The following NRBF2 variants were observed in gnomAD, a reference collection of about 807,000 sequenced individuals.
NRBF2 encodes the protein nuclear receptor-binding factor 2.
Under a neutral mutation model 28.5 loss-of-function variants are expected in NRBF2, and 12 were observed. The observed-to-expected ratio is 0.42, with a 90% confidence interval of 0.27 to 0.68. The LOEUF (loss-of-function observed/expected upper bound fraction) is 0.68. Ranked by LOEUF, NRBF2 falls within the 30% of genes least tolerant of loss-of-function variation. NRBF2 has a pLI of 0.24. For missense variants in NRBF2, 274 were observed against 333.5 expected (o/e 0.82, Z 1.39); for synonymous variants, 102 against 116.5 (o/e 0.88, Z 0.80).
intron 1 of NRBF2, among the ~76,000 whole-genome samples, chr10:63,136,568 G>A (rs1003862500): frequency 1.3e-5 from 2 of 152,200 alleles, no homozygotes; most frequent in African/African-American, 2.4e-5. Flanking sequence ...AACTTAGTAA[G>A]GTGTGTTTTC....
At chr10:63,140,968 G>C (rs989079573) in intron 1 of NRBF2, among the ~76,000 whole-genome samples, 8 of 152,158 alleles carry the variant, frequency 5.3e-5, no homozygotes, top group Admixed American at 3.3e-4. Flanking sequence ...CAAAGTGCTG[G>C]GATTATAGAC....
intron 3 of NRBF2, among the ~76,000 whole-genome samples, chr10:63,153,268 A>G (rs936083229): frequency 6.6e-6 from 1 of 152,198 alleles, no homozygotes; most frequent in Non-Finnish European, 1.5e-5. Context: ...TACAGAGGAA[A>G]GATTTCTAAT....
intron 1 of NRBF2, among the ~76,000 whole-genome samples, chr10:63,140,053 A>T (rs1841438222): frequency 6.6e-6 from 1 of 152,034 alleles, no homozygotes; most frequent in Non-Finnish European, 1.5e-5. Flanking sequence ...TAGGAGGATC[A>T]CTTGAGCCCA....
rs890357867 is a variant in NRBF2, at chr10:63,146,177, T to C, written c.31-32T>C. 6.4e-6 allele frequency: 10 copies of C among 1,553,416 alleles called. No homozygotes were observed. In the African/African-American group the frequency reaches 1.2e-4, roughly 19 times the overall value. ...AAAGAAATCATGTTTTATTTTATGATCCAGAGGAACTTAGGGATGTTTGTC... is the reference window on the plus strand; with the variant it reads ...AAAGAAATCATGTTTTATTTTATGACCCAGAGGAACTTAGGGATGTTTGTC... On this transcript the variant is annotated intron_variant, in intron 1 of 3. Transcript: ENST00000277746.
At chr10:63,143,429 A>G (rs1011362050) in intron 1 of NRBF2, among the ~76,000 whole-genome samples, 4 of 152,156 alleles carry the variant, frequency 2.6e-5, no homozygotes, top group Non-Finnish European at 1.5e-5. Flanking sequence ...AGCATCCAAG[A>G]CAAATCATTT....
intron 1 of NRBF2, among the ~76,000 whole-genome samples, chr10:63,135,771 T>C (rs1239210567): frequency 3.9e-5 from 6 of 151,906 alleles, no homozygotes; most frequent in Non-Finnish European, 5.9e-5. Context: ...CTCAGCCTTC[T>C]GAGTAGCTGG....
chr10:63,136,221 C>G (rs1448029690), intron 1 of NRBF2, among the ~76,000 whole-genome samples: 1 of 151,486 alleles, frequency 6.6e-6, no homozygotes, highest in Non-Finnish European at 1.5e-5. Context: ...CAGCCTCCAC[C>G]TCCCGGGTTC....
chr10:63,150,010 C>T (rs1374812458), intron 2 of NRBF2, among the ~76,000 whole-genome samples: 1 of 150,294 alleles, frequency 6.7e-6, no homozygotes. Context: ...GGCGTGATCT[C>T]GGCTCAGTGC....
intron 1 of NRBF2, among the ~76,000 whole-genome samples, chr10:63,136,472 G>A (rs983042100): frequency 1.3e-5 from 2 of 152,180 alleles, no homozygotes; most frequent in African/African-American, 4.8e-5. Flanking sequence ...TTTGTCAAAT[G>A]ACGTCGTAGT....
At chr10:63,143,342 G>A (rs982273721) in intron 1 of NRBF2, among the ~76,000 whole-genome samples, 1 of 152,120 alleles carries the variant, frequency 6.6e-6, no homozygotes, top group African/African-American at 2.4e-5. Flanking sequence ...AACATGCCCA[G>A]AATATTTATA....
At chr10:63,142,776 C>CT (rs1202067005) in intron 1 of NRBF2, among the ~76,000 whole-genome samples, 6 of 26,500 alleles carry the variant, frequency 2.3e-4, no homozygotes, top group African/African-American at 8.2e-4. Flanking sequence ...TTCTTTCTTT[C>CT]TTTCTTTTTT....
Position 63,133,490 on chromosome 10 carries a change from C to G in NRBF2, c.20C>G (p.Pro7Arg). MEVMEGPLNLAHQQSRR... is the reference protein window; with the variant it reads MEVMEGRLNLAHQQSRR... ...GGGTCTATGGAAGTAATGGAAGGAC[C>G]CCTCAACCTGGTGAGTGTCCCACAG... The change falls in exon 1 of 4, where the codon CCC becomes CGC. Residue 7 changes from proline to arginine, a missense_variant. Coordinates refer to ENST00000277746, the MANE Select transcript of NRBF2 (RefSeq NM_030759.5). 1 of 1,610,722 alleles carries G rather than the reference C, an allele frequency of 6.2e-7. No homozygotes were observed. Among genetic ancestry groups the G allele is most frequent in the Non-Finnish European group, 8.5e-7 (1 of 1,177,832 alleles).
At chr10:63,135,925 T>C (rs370291978) in intron 1 of NRBF2, among the ~76,000 whole-genome samples, 81 of 151,990 alleles carry the variant, frequency 5.3e-4, no homozygotes, top group African/African-American at 1.9e-3. Context: ...ATTACAGGCG[T>C]GAGCCAGCGT....
rs143606718 is a variant in NRBF2, at chr10:63,154,020, A to G, written c.666A>G (p.Val222=). 1.8e-4 allele frequency: 283 copies of G among 1,612,262 alleles called. 1 individual carries two copies. In the Middle Eastern group the frequency reaches 2.1e-3, roughly 12 times the overall value. Residue 222 remains valine, a synonymous_variant, in exon 4 of 4, where the codon GTA becomes GTG. Coordinates refer to ENST00000277746, the MANE Select transcript of NRBF2 (RefSeq NM_030759.5). ...EKELDVDADF[V]ETSELWSLPP... Reference sequence around the variant, plus strand: ...AGCTGGATGTAGATGCTGATTTTGTAGAAACGTCAGAGTTATGGAGCTTGC... The same window carrying G: ...AGCTGGATGTAGATGCTGATTTTGTGGAAACGTCAGAGTTATGGAGCTTGC...
intron 2 of NRBF2, among the ~76,000 whole-genome samples, chr10:63,150,804 GA>G (rs1298767918): frequency 6.6e-6 from 1 of 152,228 alleles, no homozygotes; most frequent in Non-Finnish European, 1.5e-5. Context: ...ATCTAGGGGT[GA>G]TGGGAGACAG....
chr10:63,150,643 G>C (rs1292988482), intron 2 of NRBF2, among the ~76,000 whole-genome samples: 1 of 152,116 alleles, frequency 6.6e-6, no homozygotes, highest in East Asian at 1.9e-4. Context: ...CCTGGGGTCA[G>C]GAAAATGGTT....
At position 63,144,834 on chromosome 10, in the gene NRBF2, T is replaced by G. The variant is rs969696414; in HGVS notation, c.31-1375T>G. ...ACCTTTTGGCTGTTGTGAATAATGC[T>G]GTTATGAATATGGGTGTACAATGCT... On this transcript the variant is annotated intron_variant, in intron 1 of 3. Coordinates refer to ENST00000277746, the MANE Select transcript of NRBF2 (RefSeq NM_030759.5). 3.9e-5 allele frequency among the ~76,000 whole-genome samples: 6 copies of G among 152,334 alleles called. No homozygotes were observed. In the South Asian group the frequency reaches 1.2e-3, roughly 32 times the overall value.
rs1356261009 is a variant in NRBF2 at position 63,154,252 on chromosome 10, A to G, written c.*34A>G. ...GCCACAGAAAAGGGGAAAAGAGGAA[A>G]TAATACAGTAATCGTTAATCCAGCA... On this transcript the variant is annotated 3_prime_UTR_variant, in exon 4 of 4. Transcript: ENST00000277746. 3 of 1,306,520 alleles carry G rather than the reference A, an allele frequency of 2.3e-6. No individual in the cohort carries two copies. In the Admixed American group the frequency reaches 6.3e-5, roughly 27 times the overall value. 80.9% of individuals were successfully genotyped at this position (1,306,520 alleles called of 1,614,324 possible).
intron 1 of NRBF2, among the ~76,000 whole-genome samples, chr10:63,143,743 T>C (rs1841512440): frequency 7.1e-6 from 1 of 140,054 alleles, no homozygotes; most frequent in African/African-American, 2.7e-5. Flanking sequence ...TGAGCCACCA[T>C]GCCCGATTTT....
Sources: allele counts gnomAD v4.1 joint callset (sites outside exome capture counted in the v4.1 genomes callset), GRCh38; gene constraint gnomAD v4.1.1; transcripts MANE v1.5; gene names NCBI Gene and HGNC (gene_info 2026-07-23, HGNC 2026-07-21).